The following RNF214 variants were observed in gnomAD, a reference collection of about 807,000 sequenced individuals.
RNF214 encodes the protein ring finger protein 214.
RNF214 carries 25 observed loss-of-function variants against 75.9 expected under a neutral mutation model. The observed-to-expected ratio is 0.33, with a 90% CI of 0.24 to 0.46. The LOEUF is 0.46. RNF214 is among the 20% of genes least tolerant of loss of function. RNF214 has a pLI of 1.00. For synonymous variants in RNF214, 314 were observed against 308.8 expected (o/e 1.02, Z -0.18); for missense variants, 725 against 857.5 (o/e 0.85, Z 1.93).
At chr11:117,244,754 C>T (rs1002491133) in intron 5 of RNF214, among the ~76,000 whole-genome samples, 169 bp downstream of exon 5, 5 of 151,926 alleles carry the variant, frequency 3.3e-5, no homozygotes, top group African/African-American at 1.2e-4. Context: ...CAGCCTCTGT[C>T]TCCTGGGCTT....
intron 6 of RNF214, among the ~76,000 whole-genome samples, chr11:117,266,735 A>G (rs1473995388): frequency 1.3e-5 from 2 of 151,736 alleles, no homozygotes; most frequent in African/African-American, 2.4e-5. Flanking sequence ...CTGGGACTCC[A>G]CTGTCAGGTG....
At chr11:117,265,350 A>C (rs2033773013) in intron 6 of RNF214, among the ~76,000 whole-genome samples, 1 of 152,206 alleles carries the variant, frequency 6.6e-6, no homozygotes, top group South Asian at 2.1e-4. Flanking sequence ...TCTTGGATAA[A>C]GTATCTGGAA....
chr11:117,274,802 G>A (rs913777710), intron 6 of RNF214, among the ~76,000 whole-genome samples: 2 of 151,368 alleles, frequency 1.3e-5, no homozygotes, highest in Non-Finnish European at 2.9e-5. Flanking sequence ...AGCCTCCCAA[G>A]TAGAACACAG....
chr11:117,283,904 G>A (rs1591845296), intron 14 of RNF214, among the ~76,000 whole-genome samples: 2 of 151,060 alleles, frequency 1.3e-5, no homozygotes, highest in Non-Finnish European at 3.0e-5. Context: ...TGATCCTCCT[G>A]CCTCAGCCTC....
At chr11:117,282,899 A>G (rs2034159164) in intron 13 of RNF214, 49 bp downstream of exon 13, 4 of 1,443,376 alleles carry the variant, frequency 2.8e-6, no homozygotes, top group Admixed American at 3.4e-5. Flanking sequence ...GCTGGAGGTG[A>G]GGAAGGAGTG....
chr11:117,270,101 A>T (rs1260289471), intron 6 of RNF214, among the ~76,000 whole-genome samples: 1 of 152,134 alleles, frequency 6.6e-6, no homozygotes, highest in Non-Finnish European at 1.5e-5. Context: ...GAATTTTCTT[A>T]GATAAGGAAA....
chr11:117,235,964 C>G (rs1413989133), intron 2 of RNF214, among the ~76,000 whole-genome samples: 1 of 151,668 alleles, frequency 6.6e-6, no homozygotes, highest in Non-Finnish European at 1.5e-5. Flanking sequence ...TCTTCCTCAA[C>G]TCTGTTTTTT....
At chr11:117,265,260 C>G (rs539115638) in intron 6 of RNF214, among the ~76,000 whole-genome samples, 8 of 152,164 alleles carry the variant, frequency 5.3e-5, no homozygotes, top group African/African-American at 1.9e-4. Flanking sequence ...CTTCCTTCCC[C>G]ATCTGCTTCT....
intron 2 of RNF214, among the ~76,000 whole-genome samples, chr11:117,234,595 C>T (rs905592693): frequency 1.3e-5 from 2 of 152,206 alleles, no homozygotes; most frequent in Non-Finnish European, 2.9e-5. Flanking sequence ...GAATAGAATA[C>T]ATGGGGTCAA....
chr11:117,282,279 C>A lies in RNF214; in HGVS notation c.1712+9C>A, dbSNP rs1271063944. 11 of 1,581,922 alleles carry A rather than the reference C, an allele frequency of 7.0e-6. No individual in the cohort carries two copies. Among genetic ancestry groups the A allele is most frequent in the Non-Finnish European group, 8.6e-6 (10 of 1,162,932 alleles). On this transcript the variant is annotated intron_variant, in intron 11 of 14. Transcript: ENST00000300650. ...TTCCCACAGTGCAATAAGTAAGTACCTTCAAGGACTGATTCAGATGTCTCT... is the reference window on the plus strand; with the variant it reads ...TTCCCACAGTGCAATAAGTAAGTACATTCAAGGACTGATTCAGATGTCTCT...
intron 4 of RNF214, 113 bp from the exon 5 acceptor site, chr11:117,244,332 T>G (rs986367163): frequency 2.2e-5 from 17 of 781,536 alleles, no homozygotes; most frequent in Non-Finnish European, 3.5e-5. Context: ...TAGAGTAGCT[T>G]CATTATTGGA....
chr11:117,252,771 T>C lies in RNF214; in HGVS notation c.959+5823T>C, dbSNP rs553173361. Among the ~76,000 whole-genome samples, 1,020 of 152,266 alleles carry C rather than the reference T, an allele frequency of 6.7e-3. 13 individuals carry two copies. The highest frequency in any genetic ancestry group is 0.02 in the African/African-American group (852 of 41,572). ...TCCTGACCTCCTGTTCCGCCCGCCT[T>C]GGCCTCCCAAAGTGCTGGGATTACA... On this transcript the variant is annotated intron_variant, in intron 6 of 14. Transcript: ENST00000300650.
In RNF214 at chr11:117,273,141, T is replaced by G. The variant is rs2033945691; in HGVS notation, c.960-6767T>G. On this transcript the variant is annotated intron_variant, in intron 6 of 14. Coordinates refer to ENST00000300650, the MANE Select transcript of RNF214 (RefSeq NM_207343.4). ...TACTTATCTGCTATATTTAATTGATTGCAATATATTGTTTTGGTTGAAATA... is the reference window on the plus strand; with the variant it reads ...TACTTATCTGCTATATTTAATTGATGGCAATATATTGTTTTGGTTGAAATA... Among the ~76,000 whole-genome samples, 4 of 152,124 alleles carry G rather than the reference T, an allele frequency of 2.6e-5. 1 individual carries two copies. The South Asian group carries it at 8.3e-4, about 31-fold the overall frequency.
At chr11:117,261,163 C>G (rs2033653408) in intron 6 of RNF214, among the ~76,000 whole-genome samples, 1 of 152,140 alleles carries the variant, frequency 6.6e-6, no homozygotes, top group African/African-American at 2.4e-5. Context: ...AAGTTTGATG[C>G]TGACTATAGG....
intron 6 of RNF214, among the ~76,000 whole-genome samples, chr11:117,247,933 T>C (rs1251323522): frequency 6.6e-6 from 1 of 152,120 alleles, no homozygotes; most frequent in Admixed American, 6.6e-5. Context: ...ATTTGTGTTA[T>C]TCAGCATCCA....
At chr11:117,239,134 C>A in intron 3 of RNF214, 23 bp downstream of exon 3, 2 of 1,548,752 alleles carry the variant, frequency 1.3e-6, no homozygotes, top group Non-Finnish European at 8.8e-7. Context: ...GTTTCTACTA[C>A]TAAAATGTAA....
chr11:117,248,590 G>GT (rs758170213), intron 6 of RNF214, among the ~76,000 whole-genome samples: 2 of 152,222 alleles, frequency 1.3e-5, no homozygotes, highest in Non-Finnish European at 2.9e-5. Context: ...GAGGAATTGT[G>GT]TTTGAGAGAG....
At chr11:117,251,369 C>T (rs1195746431) in intron 6 of RNF214, among the ~76,000 whole-genome samples, 3 of 140,488 alleles carry the variant, frequency 2.1e-5, no homozygotes, top group African/African-American at 7.8e-5. Flanking sequence ...GGCGGCTGGC[C>T]GGGCGGGGGG....
chr11:117,243,393 G>A (rs1216247098), intron 4 of RNF214, among the ~76,000 whole-genome samples: 6 of 151,908 alleles, frequency 3.9e-5, no homozygotes, highest in South Asian at 2.1e-4. Context: ...TGATCCACCC[G>A]CCTCAGCTTC....
Sources: allele counts gnomAD v4.1 joint callset (sites outside exome capture counted in the v4.1 genomes callset), GRCh38; gene constraint gnomAD v4.1.1; transcripts MANE v1.5; gene names NCBI Gene and HGNC (gene_info 2026-07-23, HGNC 2026-07-21).